The following ZPBP variants were observed in gnomAD, a reference collection of about 807,000 sequenced individuals.
ZPBP encodes the protein zona pellucida binding protein.
A neutral mutation model predicts 44.8 loss-of-function variants in ZPBP; 26 were observed. That is an observed-to-expected ratio of 0.58 (90% CI 0.43 to 0.81). The LOEUF (loss-of-function observed/expected upper bound fraction) is 0.81. ZPBP is among the 30% of genes least tolerant of loss of function. The probability of loss-of-function intolerance (pLI) is 0.00; values close to 1 mark genes in which losing one functional copy is unlikely to be tolerated. For synonymous variants in ZPBP, 174 were observed against 153.2 expected (o/e 1.14, Z -1.00); for missense variants, 409 against 434.0 (o/e 0.94, Z 0.51).
intron 1 of ZPBP, chr7:49,911,962 T>C: frequency 5.5e-6 from 5 of 901,606 alleles, no homozygotes; most frequent in Non-Finnish European, 7.5e-6. Flanking sequence ...TATACTGTAA[T>C]GCTTAATACC....
chr7:49,977,534 G>T (rs1230916118), intron 7 of ZPBP, among the ~76,000 whole-genome samples: 5 of 152,218 alleles, frequency 3.3e-5, no homozygotes, highest in Non-Finnish European at 2.9e-5. Context: ...ATCTCAAGAT[G>T]ATTAAATATG....
intron 2 of ZPBP, among the ~76,000 whole-genome samples, chr7:49,877,668 C>T (rs1791497656): frequency 6.7e-6 from 1 of 148,894 alleles, no homozygotes. Context: ...TTGTGGTACC[C>T]CGAGAGTCAT....
In ZPBP at chr7:49,981,645, A is replaced by ATTT. The variant is rs1562820378; in HGVS notation, c.961+1696_961+1697insAAA. Among the ~76,000 whole-genome samples the ATTT allele has an allele frequency of 2.2e-5, 2 of 90,780 alleles. 1 individual carries two copies. The highest frequency in any genetic ancestry group is 3.8e-5 in the Non-Finnish European group (2 of 52,378). 59.6% of individuals were successfully genotyped at this position (90,780 alleles called of 152,430 possible). On this transcript the variant is annotated intron_variant, in intron 7 of 7. Coordinates refer to ENST00000046087, the MANE Select transcript of ZPBP (RefSeq NM_007009.3). ...TATTATATTATATTATATATTATAT[A>ATTT]ATATCTTGATATAAAATATATATTA...
chr7:49,936,964 A>T (rs1221094508), downstream of ZPBP, among the ~76,000 whole-genome samples: 2 of 152,286 alleles, frequency 1.3e-5, no homozygotes, highest in East Asian at 3.9e-4. Flanking sequence ...AATTTAAGAG[A>T]CTTAAAACTG....
At chr7:49,992,979 C>T (rs1797634659) in intron 6 of ZPBP, among the ~76,000 whole-genome samples, 1 of 151,958 alleles carries the variant, frequency 6.6e-6, no homozygotes, top group Admixed American at 6.6e-5. Context: ...GAAACTAAAA[C>T]AGTGAAAGAT....
chr7:50,076,414 T>C (rs1167150180), intron 3 of ZPBP, among the ~76,000 whole-genome samples: 2 of 151,892 alleles, frequency 1.3e-5, no homozygotes, highest in Non-Finnish European at 2.9e-5. Flanking sequence ...AAGTCCTGGC[T>C]AGAGCAATCA....
intron 5 of ZPBP, among the ~76,000 whole-genome samples, chr7:50,026,704 T>C (rs1799352180): frequency 6.6e-6 from 1 of 151,796 alleles, no homozygotes; most frequent in African/African-American, 2.4e-5. Context: ...CCTAAATTTC[T>C]ATGGCTACAA....
intron 7 of ZPBP, among the ~76,000 whole-genome samples, chr7:49,962,171 T>G (rs1303555688): frequency 6.6e-6 from 1 of 151,904 alleles, no homozygotes; most frequent in African/African-American, 2.4e-5. Context: ...GCCCTAATAC[T>G]AAAATTTTAC....
At chr7:50,002,220 G>C (rs547831692) in intron 6 of ZPBP, among the ~76,000 whole-genome samples, 4 of 152,234 alleles carry the variant, frequency 2.6e-5, no homozygotes, top group Admixed American at 2.6e-4. Context: ...GCAGGCAAGA[G>C]AGCTTGTGCA....
At chr7:49,965,232 C>T (rs2128766758) in intron 7 of ZPBP, among the ~76,000 whole-genome samples, 1 of 151,902 alleles carries the variant, frequency 6.6e-6, no homozygotes, top group Non-Finnish European at 1.5e-5. Flanking sequence ...TAATATTCCT[C>T]AAAAGCAATG....
At chr7:49,936,370 T>G (rs1364128451), downstream of ZPBP, among the ~76,000 whole-genome samples, 1 of 152,212 alleles carries the variant, frequency 6.6e-6, no homozygotes, top group Non-Finnish European at 1.5e-5. Context: ...TCCCTTTGTG[T>G]CTGTGTGAGA....
intron 4 of ZPBP, among the ~76,000 whole-genome samples, chr7:50,048,264 C>A (rs1800487078): frequency 6.6e-6 from 1 of 151,796 alleles, no homozygotes; most frequent in African/African-American, 2.4e-5. Context: ...TTAGATAATT[C>A]AATATTAATT....
At position 49,983,454 on chromosome 7, in the gene ZPBP, T is replaced by C. The variant is rs777752341; in HGVS notation, c.849A>G (p.Gln283=). 7.3e-5 allele frequency: 118 copies of C among 1,612,180 alleles called. 5 individuals are homozygous for C. The highest frequency in any genetic ancestry group is 5.4e-4 in the South Asian group (49 of 90,862). The change falls in exon 7 of 8, where the codon CAA becomes CAG. Residue 283 remains glutamine (Q), a synonymous_variant. Coordinates refer to ENST00000046087, the MANE Select transcript of ZPBP (RefSeq NM_007009.3). ...CTTCAATATAGTATATTTGAGGTAA[T>C]TGTTCTGCACGTCTGCCAAGAATTT... The part of the protein sequence containing the change: ...QVEILGRRAE[Q]LPQIYYIEGT...
chr7:50,042,723 T>C (rs1033205778), intron 4 of ZPBP, among the ~76,000 whole-genome samples: 1 of 152,056 alleles, frequency 6.6e-6, no homozygotes, highest in Admixed American at 6.5e-5. Flanking sequence ...CATACCAAAT[T>C]GTAAAGAACA....
intron 4 of ZPBP, among the ~76,000 whole-genome samples, chr7:50,045,963 A>T (rs1329239894): frequency 4.6e-5 from 7 of 152,188 alleles, no homozygotes; most frequent in Non-Finnish European, 7.3e-5. Context: ...AGACCAATGG[A>T]ACAGAACAGA....
intron 5 of ZPBP, among the ~76,000 whole-genome samples, chr7:50,029,761 A>C (rs1799508923): frequency 6.6e-6 from 1 of 152,240 alleles, no homozygotes; most frequent in Non-Finnish European, 1.5e-5. Flanking sequence ...AATCAAGCCC[A>C]TAATGCTTTA....
At chr7:50,024,198 G>A (rs1007724612) in intron 5 of ZPBP, among the ~76,000 whole-genome samples, 4 of 146,416 alleles carry the variant, frequency 2.7e-5, no homozygotes, top group East Asian at 3.9e-4. Flanking sequence ...ACCCTTGTAC[G>A]CTGTTAGTAG....
chr7:50,007,284 C>T (rs976613207), intron 6 of ZPBP, among the ~76,000 whole-genome samples: 7 of 151,864 alleles, frequency 4.6e-5, no homozygotes, highest in Non-Finnish European at 1.0e-4. Context: ...AATTGGATAA[C>T]CTAGATAAAA....
intron 4 of ZPBP, among the ~76,000 whole-genome samples, chr7:50,052,046 A>G (rs1212176951): frequency 6.6e-6 from 1 of 152,188 alleles, no homozygotes; most frequent in Non-Finnish European, 1.5e-5. Context: ...CAAGGCAAAT[A>G]ATTTTTCATC....
Sources: gnomAD v4.1 joint callset for allele counts (sites outside exome capture counted in the v4.1 genomes callset) on GRCh38, gnomAD v4.1.1 for gene constraint, MANE v1.5 for transcripts, NCBI Gene and HGNC (gene_info 2026-07-23, HGNC 2026-07-21) for gene names.